KCNIP4: variants seen among roughly 807,000 people sequenced by gnomAD.
KCNIP4 encodes the protein Kv channel-interacting protein 4.
Under a neutral mutation model 34.0 loss-of-function variants are expected in KCNIP4, and 12 were observed. The observed-to-expected ratio is 0.35, with a 90% confidence interval of 0.23 to 0.57. The LOEUF is 0.57. Among genes scored for constraint, KCNIP4 ranks in the 20% least tolerant of loss-of-function variants. The pLI, the probability that KCNIP4 is intolerant of heterozygous loss-of-function variation, is 0.83. For missense variants in KCNIP4, 238 were observed against 311.7 expected, an observed-to-expected ratio of 0.76 and a Z score of 1.78; for synonymous variants, 124 against 102.2, an observed-to-expected ratio of 1.21 and a Z score of -1.29.
At chr4:20,822,103 G>T (rs912094703) in intron 3 of KCNIP4, among the ~76,000 whole-genome samples, 1 of 151,984 alleles carries the variant, frequency 6.6e-6, no homozygotes, top group African/African-American at 2.4e-5. Context: ...CACAGCAAAA[G>T]AAATTATCAG....
intron 1 of KCNIP4, among the ~76,000 whole-genome samples, chr4:21,894,177 CAA>C (rs897662492): frequency 6.7e-6 from 1 of 150,334 alleles, no homozygotes; most frequent in Non-Finnish European, 1.5e-5. Context: ...ACTAAAAATA[CAA>C]AAAAAAATTA....
chr4:21,314,197 G>T (rs752575153), intron 1 of KCNIP4, among the ~76,000 whole-genome samples: 3 of 152,170 alleles, frequency 2.0e-5, no homozygotes, highest in Non-Finnish European at 2.9e-5. Context: ...ATGCTAGCAA[G>T]AAATGTCTTC....
intron 1 of KCNIP4, among the ~76,000 whole-genome samples, chr4:21,219,069 T>C (rs1757809630): frequency 3.3e-5 from 5 of 152,128 alleles, no homozygotes; most frequent in Admixed American, 3.3e-4. Context: ...AAAACTGTGG[T>C]TGGCTTAAAT....
intron 1 of KCNIP4, among the ~76,000 whole-genome samples, chr4:21,675,778 C>T (rs150812214): frequency 2.0e-3 from 297 of 152,172 alleles, no homozygotes; most frequent in African/African-American, 6.5e-3. Context: ...TCCATTGAGG[C>T]CATCAAAAGC....
Position 21,192,907 on chromosome 4 carries a change from G to A in KCNIP4, c.62-310198C>T, listed in dbSNP as rs940797955. Among the ~76,000 whole-genome samples the A allele has an allele frequency of 5.3e-4, 68 of 127,490 alleles. 2 individuals carry two copies. The highest frequency in any genetic ancestry group is 2.2e-3 in the South Asian group (8 of 3,628). 83.6% of individuals were successfully genotyped at this position (127,490 alleles called of 152,430 possible). ...CCACACACCACCCCCCAGCCCTGCC[G>A]CCCCGTCTCTACTACTACTACTACT... On this transcript the variant is annotated intron_variant, in intron 1 of 8. Transcript: ENST00000382152.
chr4:21,461,479 AAGT>A (rs991809800), intron 1 of KCNIP4, among the ~76,000 whole-genome samples: 2 of 152,046 alleles, frequency 1.3e-5, no homozygotes, highest in African/African-American at 4.8e-5. Flanking sequence ...TGTTTTACAA[AAGT>A]ATCAGTTCAT....
intron 1 of KCNIP4, among the ~76,000 whole-genome samples, chr4:21,216,845 T>C (rs1322968567): frequency 3.3e-5 from 5 of 152,136 alleles, no homozygotes; most frequent in Non-Finnish European, 7.3e-5. Flanking sequence ...TGAAGAAGGC[T>C]TCATGCAAGA....
intron 1 of KCNIP4, among the ~76,000 whole-genome samples, chr4:21,269,918 TA>T (rs1312792066): frequency 6.6e-6 from 1 of 152,128 alleles, no homozygotes; most frequent in Admixed American, 6.5e-5. Flanking sequence ...GGATGTGAGC[TA>T]AAAAGAAAGA....
intron 1 of KCNIP4, among the ~76,000 whole-genome samples, chr4:21,414,318 C>T (rs1381320811): frequency 6.6e-6 from 1 of 151,976 alleles, no homozygotes; most frequent in Non-Finnish European, 1.5e-5. Context: ...CAAAGACTAC[C>T]AGACATATAA....
intron 1 of KCNIP4, among the ~76,000 whole-genome samples, chr4:20,993,391 G>A (rs1030499597): frequency 6.6e-6 from 1 of 152,190 alleles, no homozygotes; most frequent in Non-Finnish European, 1.5e-5. Flanking sequence ...TACTGTTCAT[G>A]AATGCAAACT....
At chr4:21,279,215 A>G (rs1053883776) in intron 1 of KCNIP4, among the ~76,000 whole-genome samples, 1 of 152,160 alleles carries the variant, frequency 6.6e-6, no homozygotes, top group African/African-American at 2.4e-5. Flanking sequence ...AAACAGTCAA[A>G]AGTTTCAAGG....
At chr4:21,824,611 C>T (rs1004480113) in intron 1 of KCNIP4, among the ~76,000 whole-genome samples, 1 of 152,258 alleles carries the variant, frequency 6.6e-6, no homozygotes, top group East Asian at 1.9e-4. Flanking sequence ...TCTGGCCTTG[C>T]ACCCACAAAA....
At chr4:21,794,526 T>C (rs1361286829) in intron 1 of KCNIP4, among the ~76,000 whole-genome samples, 3 of 152,092 alleles carry the variant, frequency 2.0e-5, no homozygotes, top group Non-Finnish European at 4.4e-5. Context: ...AAATATAGGG[T>C]TGCCCTCTGG....
chr4:20,811,534 C>T (rs999866615), intron 3 of KCNIP4, among the ~76,000 whole-genome samples: 6 of 151,802 alleles, frequency 4.0e-5, no homozygotes, highest in Admixed American at 6.6e-5. Flanking sequence ...CACGCGTGCA[C>T]GCCAGAGGGG....
chr4:20,818,324 G>A (rs919739736), intron 3 of KCNIP4, among the ~76,000 whole-genome samples: 1 of 152,202 alleles, frequency 6.6e-6, no homozygotes, highest in Non-Finnish European at 1.5e-5. Context: ...GGTGGTATCA[G>A]TTCTCATGAT....
At chr4:21,114,750 C>T (rs756816126) in intron 1 of KCNIP4, among the ~76,000 whole-genome samples, 37 of 151,910 alleles carry the variant, frequency 2.4e-4, no homozygotes, top group African/African-American at 5.1e-4. Context: ...CATCATTTTC[C>T]GATGAAAAAA....
At chr4:21,142,723 G>A (rs1752064464) in intron 1 of KCNIP4, among the ~76,000 whole-genome samples, 1 of 152,136 alleles carries the variant, frequency 6.6e-6, no homozygotes, top group South Asian at 2.1e-4. Context: ...CAAATTGGGT[G>A]TTGGACTCCC....
chr4:21,544,447 C>T (rs565533724), intron 1 of KCNIP4: 1 of 152,202 alleles, frequency 6.6e-6, no homozygotes, highest in Admixed American at 6.5e-5. Flanking sequence ...GAGAATCTCA[C>T]AGGCTGAAAT....
intron 1 of KCNIP4, among the ~76,000 whole-genome samples, chr4:21,400,337 G>A (rs1255182250): frequency 2.8e-5 from 4 of 143,904 alleles, no homozygotes; most frequent in African/African-American, 1.2e-4. Context: ...TGGATGGTGG[G>A]GGGAAAGGCC....
Sources: allele counts gnomAD v4.1 joint callset (sites outside exome capture counted in the v4.1 genomes callset), GRCh38; gene constraint gnomAD v4.1.1; transcripts MANE v1.5; gene names NCBI Gene and HGNC (gene_info 2026-07-23, HGNC 2026-07-21).